The following ZNF92 variants were observed in gnomAD, a reference collection of about 807,000 sequenced individuals.
The protein encoded by ZNF92 is epididymis luminal protein 203.
ZNF92 carries 11 observed loss-of-function variants against 12.4 expected under a neutral mutation model. That is an observed-to-expected ratio of 0.89 (90% CI 0.56 to 1.47). The LOEUF is 1.47. Ranked by LOEUF, ZNF92 falls within the 40% of genes most tolerant of loss-of-function variation. The pLI is 0.00. For missense variants in ZNF92, 622 were observed against 681.0 expected, an observed-to-expected ratio of 0.91 and a Z score of 0.96; for synonymous variants, 206 against 228.6, an observed-to-expected ratio of 0.90 and a Z score of 0.89.
At chr7:65,386,155 G>C (rs1441018112) in intron 1 of ZNF92, among the ~76,000 whole-genome samples, 1 of 152,024 alleles carries the variant, frequency 6.6e-6, no homozygotes, top group East Asian at 1.9e-4. Flanking sequence ...AACTAGCTGG[G>C]ATTACAGGCG....
Position 65,398,497 on chromosome 7 carries a change from GA to G in ZNF92, c.384del (p.Gly129ValfsTer9). The part of the protein sequence containing the change: ...KSVDACKVYK[G>X]GYNGLNQCLT... Reference sequence around the variant, plus strand: ...GTGGATGCATGTAAGGTGTACAAAGGAGGTTATAATGGACTTAACCAGTGTT... The same window carrying G: ...GTGGATGCATGTAAGGTGTACAAAGGGGTTATAATGGACTTAACCAGTGTT... On this transcript the variant is annotated frameshift_variant, in exon 4 of 4. Coordinates refer to ENST00000328747, the MANE Select transcript of ZNF92 (RefSeq NM_152626.4). LOFTEE classifies it low-confidence loss of function (END_TRUNC). 6.2e-7 allele frequency: 1 copy of G among 1,613,042 alleles called. No individual in the cohort carries two copies. Among genetic ancestry groups the G allele is most frequent in the Non-Finnish European group, 8.5e-7 (1 of 1,179,630 alleles).
chr7:65,386,239 C>T (rs530455831), intron 1 of ZNF92, among the ~76,000 whole-genome samples: 1 of 152,024 alleles, frequency 6.6e-6, no homozygotes, highest in East Asian at 1.9e-4. Flanking sequence ...AGGCTGGTCT[C>T]GAACTCCTGA....
At position 65,398,470 on chromosome 7, in the gene ZNF92, G is replaced by A. The variant is rs1562798201; in HGVS notation, c.356G>A (p.Ser119Asn). ...ENLQLRKDHK[S>N]VDACKVYKGG... ...TTACAGCTAAGAAAAGACCATAAAAGTGTGGATGCATGTAAGGTGTACAAA... is the reference window on the plus strand; with the variant it reads ...TTACAGCTAAGAAAAGACCATAAAAATGTGGATGCATGTAAGGTGTACAAA... Residue 119 changes from serine to asparagine, a missense_variant, in exon 4 of 4, where the codon AGT becomes AAT. Physicochemically the swap from Ser to Asn is conservative, Grantham distance 46. Transcript: ENST00000328747. 1.9e-6 allele frequency: 3 copies of A among 1,613,280 alleles called. No homozygotes were observed. In the South Asian group the frequency reaches 3.3e-5, roughly 18 times the overall value.
At chr7:65,379,852 C>A (rs1014682498) in intron 1 of ZNF92, among the ~76,000 whole-genome samples, 1 of 152,098 alleles carries the variant, frequency 6.6e-6, no homozygotes, top group South Asian at 2.1e-4. Flanking sequence ...AGTGCACTCT[C>A]CCCCACCCAT....
intron 3 of ZNF92, among the ~76,000 whole-genome samples, chr7:65,391,019 A>G (rs2116383118): frequency 6.6e-6 from 1 of 152,160 alleles, no homozygotes; most frequent in Middle Eastern, 3.4e-3. Context: ...GGAGTCCTTT[A>G]GTTTGCCGCC....
At chr7:65,389,476 A>G (rs533048279) in intron 3 of ZNF92, among the ~76,000 whole-genome samples, 9 of 152,200 alleles carry the variant, frequency 5.9e-5, no homozygotes, top group Middle Eastern at 6.8e-3. Context: ...TTTTGAGGAC[A>G]CACAAATAGC....
intron 1 of ZNF92, among the ~76,000 whole-genome samples, chr7:65,386,084 A>C (rs1385755228): frequency 6.6e-6 from 1 of 151,956 alleles, no homozygotes; most frequent in Non-Finnish European, 1.5e-5. Context: ...CAGCGGCATG[A>C]TCTTGGCTCA....
intron 1 of ZNF92, among the ~76,000 whole-genome samples, chr7:65,384,386 C>T (rs1389107817): frequency 6.6e-6 from 1 of 152,082 alleles, no homozygotes; most frequent in Non-Finnish European, 1.5e-5. Context: ...AGTCTGGCTT[C>T]ACCTTGGAGT....
At chr7:65,398,246 A>G in intron 3 of ZNF92, 95 bp from the exon 4 acceptor site, 3 of 1,054,852 alleles carry the variant, frequency 2.8e-6, no homozygotes, top group Non-Finnish European at 3.9e-6. Context: ...CATCTTGCTT[A>G]TGTTGTAGTT....
rs913471876 is a variant in ZNF92, at chr7:65,374,732, T to A, written c.3+732T>A. On this transcript the variant is annotated intron_variant, in intron 1 of 3. Transcript: ENST00000328747. ...AAATGCATTTGAATTATATTTTTTTTAAAGTAGGAACCCAGGGACTAGAGC... is the reference window on the plus strand; with the variant it reads ...AAATGCATTTGAATTATATTTTTTTAAAAGTAGGAACCCAGGGACTAGAGC... Among the ~76,000 whole-genome samples, 26 of 151,868 alleles carry A rather than the reference T, an allele frequency of 1.7e-4. 1 individual carries two copies. The highest frequency in any genetic ancestry group is 2.7e-4 in the African/African-American group (11 of 41,332).
At chr7:65,376,972 G>A (rs1024906219) in intron 1 of ZNF92, among the ~76,000 whole-genome samples, 1 of 152,066 alleles carries the variant, frequency 6.6e-6, no homozygotes, top group Non-Finnish European at 1.5e-5. Context: ...TTATCTTGAT[G>A]TCTGAGTTTC....
chr7:65,387,792 C>G (rs1351643306), intron 1 of ZNF92, 110 bp from the exon 2 acceptor site: 1 of 1,324,000 alleles, frequency 7.6e-7, no homozygotes, highest in African/African-American at 1.5e-5. Context: ...TCCTGTAAGT[C>G]AGAACTTGTT....
intron 1 of ZNF92, among the ~76,000 whole-genome samples, chr7:65,374,981 CCTTTA>C (rs1203046573): frequency 6.6e-6 from 1 of 152,034 alleles, no homozygotes; most frequent in East Asian, 1.9e-4. Context: ...AAGTGTGTTT[CCTTTA>C]GTGTACATTT....
intron 2 of ZNF92, 97 bp from the exon 3 acceptor site, chr7:65,388,709 T>C (rs1386984595): frequency 2.2e-6 from 2 of 925,916 alleles, no homozygotes; most frequent in Non-Finnish European, 3.1e-6. Flanking sequence ...ATTAATTTAC[T>C]AGATTAATCT....
rs764285907 is a variant in ZNF92, at chr7:65,373,907, G to C, written c.-91G>C. 15 of 1,571,710 alleles carry C rather than the reference G, an allele frequency of 9.5e-6. No homozygotes were observed. The East Asian group carries it at 3.4e-4, about 35-fold the overall frequency. On this transcript the variant is annotated 5_prime_UTR_variant, in exon 1 of 4. Coordinates refer to ENST00000328747, the MANE Select transcript of ZNF92 (RefSeq NM_152626.4). ...TCTAGTCTTCACTGCTCTGCGTCCT[G>C]TGCTGATAAAGGCTCGCCGCTGTGA... is the stretch of plus-strand genomic sequence containing the variant.
In ZNF92 at chr7:65,396,956, C is replaced by T. The variant is rs1469810444; in HGVS notation, c.227-1385C>T. ...GTTAGGAATATTTTTTCTCTTATTA[C>T]GTCAAAATTTGAAAGTTCTCAGCCT... On this transcript the variant is annotated intron_variant, in intron 3 of 3. Coordinates refer to ENST00000328747, the MANE Select transcript of ZNF92 (RefSeq NM_152626.4). Among the ~76,000 whole-genome samples the T allele has an allele frequency of 4.0e-5, 6 of 151,738 alleles. No homozygotes were observed. The East Asian group carries it at 7.7e-4, about 20-fold the overall frequency.
chr7:65,396,730 A>C (rs1377990239), intron 3 of ZNF92, among the ~76,000 whole-genome samples: 3 of 152,004 alleles, frequency 2.0e-5, no homozygotes, highest in Non-Finnish European at 4.4e-5. Context: ...GCTCAGGCTG[A>C]TCTTGAACTC....
rs1007493651 is a variant in ZNF92, at chr7:65,383,683, G to A, written c.4-4219G>A. On this transcript the variant is annotated intron_variant, in intron 1 of 3. Transcript: ENST00000328747. ...GCCATGACTACAACTATACCTACCTGTAAAAAATGTGATACTGGAGTAGAG... is the reference window on the plus strand; with the variant it reads ...GCCATGACTACAACTATACCTACCTATAAAAAATGTGATACTGGAGTAGAG... Among the ~76,000 whole-genome samples, 4 of 152,126 alleles carry A rather than the reference G, an allele frequency of 2.6e-5. 1 individual carries two copies. The highest frequency in any genetic ancestry group is 7.2e-5 in the African/African-American group (3 of 41,430).
chr7:65,376,546 A>G (rs1793243276), intron 1 of ZNF92, among the ~76,000 whole-genome samples: 2 of 152,074 alleles, frequency 1.3e-5, no homozygotes, highest in Admixed American at 1.3e-4. Flanking sequence ...TCCCAGGTTC[A>G]AGCGATTCTG....
Sources: gnomAD v4.1 joint callset for allele counts (sites outside exome capture counted in the v4.1 genomes callset) on GRCh38, gnomAD v4.1.1 for gene constraint, MANE v1.5 for transcripts, NCBI Gene and HGNC (gene_info 2026-07-23, HGNC 2026-07-21) for gene names.